ADK: variants seen among roughly 807,000 people sequenced by gnomAD.
ADK encodes the protein N6,N6-dimethyladenosine kinase.
ADK carries 24 observed loss-of-function variants against 44.7 expected under a neutral mutation model. The observed-to-expected ratio is 0.54, with a 90% CI of 0.39 to 0.76. The LOEUF is 0.76. Ranked by LOEUF, ADK falls within the 30% of genes least tolerant of loss-of-function variation. The probability of loss-of-function intolerance (pLI) is 0.00; values close to 1 mark genes in which losing one functional copy is unlikely to be tolerated. For missense variants in ADK, 321 were observed against 425.1 expected (o/e 0.76, Z 2.15); for synonymous variants, 128 against 142.6 (o/e 0.90, Z 0.73).
intron 9 of ADK, among the ~76,000 whole-genome samples, chr10:74,666,360 C>T (rs1854956135): frequency 6.6e-6 from 1 of 152,120 alleles, no homozygotes; most frequent in African/African-American, 2.4e-5. Flanking sequence ...TGACACAAAA[C>T]AAATCTGTTA....
chr10:74,582,414 TA>T (rs1851403030), intron 7 of ADK, among the ~76,000 whole-genome samples: 1 of 152,206 alleles, frequency 6.6e-6, no homozygotes, highest in African/African-American at 2.4e-5. Context: ...TCTTTAATAC[TA>T]AAAACTTGGG....
In ADK at chr10:74,561,381, A is replaced by G. The variant is rs551241565; in HGVS notation, c.727-27901A>G. ...GATTCTTTGTTCATTTGTTTTGGAT[A>G]GGGAAGGAAAGACACAATGAAAAGA... On this transcript the variant is annotated intron_variant, in intron 7 of 10. Transcript: ENST00000539909. 8.4e-4 allele frequency among the ~76,000 whole-genome samples: 128 copies of G among 152,324 alleles called. No individual in the cohort carries two copies. In the South Asian group the frequency reaches 0.011, roughly 14 times the overall value.
At chr10:74,338,749 C>T (rs1262268211) in intron 4 of ADK, among the ~76,000 whole-genome samples, 1 of 152,006 alleles carries the variant, frequency 6.6e-6, no homozygotes, top group Non-Finnish European at 1.5e-5. Context: ...ACCTGTCATT[C>T]CAGGAGTTAG....
rs184773566 is a variant in ADK, at chr10:74,352,796, C to A, written c.273+38051C>A. On this transcript the variant is annotated intron_variant, in intron 4 of 10. Transcript: ENST00000539909. ...ACACTTCTCAAAAGAAGACGTGCAA[C>A]CAACAAACATGAAAAATTGCTCATC... Among the ~76,000 whole-genome samples the A allele has an allele frequency of 1.5e-3, 229 of 151,820 alleles. 1 individual carries two copies. The highest frequency in any genetic ancestry group is 3.5e-3 in the Admixed American group (54 of 15,246).
intron 3 of ADK, among the ~76,000 whole-genome samples, chr10:74,256,201 T>C (rs1845816879): frequency 6.6e-6 from 1 of 152,226 alleles, no homozygotes; most frequent in Non-Finnish European, 1.5e-5. Context: ...TTGTAAATTT[T>C]ATTGAGTATT....
intron 4 of ADK, among the ~76,000 whole-genome samples, chr10:74,365,494 A>G (rs558337749): frequency 7.9e-5 from 12 of 152,326 alleles, no homozygotes; most frequent in African/African-American, 2.9e-4. Context: ...TTGTATAGCT[A>G]TACCACATTT....
intron 3 of ADK, among the ~76,000 whole-genome samples, chr10:74,281,064 C>T (rs890411359): frequency 3.9e-5 from 6 of 151,900 alleles, no homozygotes; most frequent in Non-Finnish European, 5.9e-5. Flanking sequence ...TTTTGTGAGC[C>T]GACAAGAGAC....
At chr10:74,431,096 C>T (rs1240611300) in intron 6 of ADK, among the ~76,000 whole-genome samples, 1 of 135,236 alleles carries the variant, frequency 7.4e-6, no homozygotes, top group Non-Finnish European at 1.6e-5. Flanking sequence ...AAAAAAGAGG[C>T]TGCCCATGTG....
chr10:74,469,196 G>A (rs371256630), intron 6 of ADK, among the ~76,000 whole-genome samples: 5 of 152,054 alleles, frequency 3.3e-5, no homozygotes, highest in African/African-American at 9.6e-5. Flanking sequence ...AAAATTAGCC[G>A]GGCATGATAG....
At chr10:74,447,254 G>A (rs1845618890) in intron 6 of ADK, among the ~76,000 whole-genome samples, 1 of 152,130 alleles carries the variant, frequency 6.6e-6, no homozygotes, top group Non-Finnish European at 1.5e-5. Context: ...GTATGGAGAA[G>A]AGACTAGACA....
At chr10:74,301,682 A>G (rs1487969282) in intron 3 of ADK, among the ~76,000 whole-genome samples, 1 of 152,088 alleles carries the variant, frequency 6.6e-6, no homozygotes, top group Non-Finnish European at 1.5e-5. Context: ...AAGTACCTAG[A>G]TAATGTCCTT....
intron 6 of ADK, among the ~76,000 whole-genome samples, chr10:74,519,206 T>A (rs1848713319): frequency 6.6e-6 from 1 of 152,006 alleles, no homozygotes; most frequent in African/African-American, 2.4e-5. Context: ...TTTACATATA[T>A]ACCAGTGAAT....
intron 7 of ADK, among the ~76,000 whole-genome samples, chr10:74,586,795 A>C (rs764869744): frequency 6.6e-6 from 1 of 151,820 alleles, no homozygotes; most frequent in Non-Finnish European, 1.5e-5. Context: ...CGGAGGTTGC[A>C]ATGAGCTGAG....
chr10:74,511,835 A>G (rs1237435749), intron 6 of ADK, among the ~76,000 whole-genome samples: 1 of 152,080 alleles, frequency 6.6e-6, no homozygotes, highest in Non-Finnish European at 1.5e-5. Context: ...TTCCAGTACT[A>G]TGTTGAATAA....
chr10:74,344,554 C>T, intron 4 of ADK: 1 of 244,516 alleles, frequency 4.1e-6, no homozygotes. Flanking sequence ...TCATGGTTGG[C>T]CAAGTAGTCC....
chr10:74,481,345 C>T (rs551002964), intron 6 of ADK, among the ~76,000 whole-genome samples: 1 of 152,140 alleles, frequency 6.6e-6, no homozygotes, highest in South Asian at 2.1e-4. Flanking sequence ...CACTTTTCCT[C>T]TTGTTCTGTC....
chr10:74,610,837 T>C (rs1316721170), intron 9 of ADK, among the ~76,000 whole-genome samples: 1 of 152,048 alleles, frequency 6.6e-6, no homozygotes, highest in Non-Finnish European at 1.5e-5. Flanking sequence ...ATATTAAGCA[T>C]GGTAGTAAAA....
chr10:74,552,470 G>T (rs1850068591), intron 7 of ADK, among the ~76,000 whole-genome samples: 1 of 152,132 alleles, frequency 6.6e-6, no homozygotes, highest in Non-Finnish European at 1.5e-5. Context: ...CTGTAAATAG[G>T]CATGGAGGTA....
At chr10:74,558,401 G>A (rs1411643102) in intron 7 of ADK, among the ~76,000 whole-genome samples, 1 of 152,184 alleles carries the variant, frequency 6.6e-6, no homozygotes, top group African/African-American at 2.4e-5. Context: ...GCATGTTGGA[G>A]GAAGGACCTG....
Sources: gnomAD v4.1 joint callset for allele counts (sites outside exome capture counted in the v4.1 genomes callset) on GRCh38, gnomAD v4.1.1 for gene constraint, MANE v1.5 for transcripts, NCBI Gene and HGNC (gene_info 2026-07-23, HGNC 2026-07-21) for gene names.